Variants in NRXN3 observed in about 807,000 individuals in gnomAD.
NRXN3 encodes neurexin 3.
In NRXN3, 32 loss-of-function variants were observed where a neutral mutation model predicts 137.6. That is an observed-to-expected ratio of 0.23 (90% CI 0.18 to 0.31). The LOEUF (loss-of-function observed/expected upper bound fraction) is 0.31, where lower values mean the gene tolerates loss of function less well. NRXN3 is among the 10% of genes least tolerant of loss of function. The pLI is 1.00. For synonymous variants in NRXN3, 798 were observed against 784.5 expected, an observed-to-expected ratio of 1.02 and a Z score of -0.29; for missense variants, 1,574 against 2,062.5, an observed-to-expected ratio of 0.76 and a Z score of 4.59.
At chr14:78,182,572 C>T (rs556936967) in intron 1 of NRXN3, among the ~76,000 whole-genome samples, 4 of 152,164 alleles carry the variant, frequency 2.6e-5, no homozygotes, top group South Asian at 2.1e-4. Context: ...CGGGTTCAAG[C>T]GATTCTCCTG....
At chr14:78,254,677 C>CT (rs1161789701) in intron 2 of NRXN3, among the ~76,000 whole-genome samples, 1 of 88,604 alleles carries the variant, frequency 1.1e-5, no homozygotes, top group South Asian at 4.2e-4. Context: ...GACTCCATCT[C>CT]CAAAAAAAAA....
intron 4 of NRXN3, among the ~76,000 whole-genome samples, chr14:78,630,063 C>T (rs952201374): frequency 6.6e-6 from 1 of 152,098 alleles, no homozygotes; most frequent in African/African-American, 2.4e-5. Context: ...GTAGAATGAC[C>T]AGCCTTCCTG....
chr14:79,583,713 A>T (rs2097739385), intron 16 of NRXN3, among the ~76,000 whole-genome samples: 3 of 152,200 alleles, frequency 2.0e-5, no homozygotes, highest in Admixed American at 1.3e-4. Flanking sequence ...GGAGAAAGGC[A>T]GCCCCTCTTG....
At chr14:78,269,939 T>C (rs2153485867) in intron 2 of NRXN3, among the ~76,000 whole-genome samples, 1 of 152,300 alleles carries the variant, frequency 6.6e-6, no homozygotes, top group East Asian at 1.9e-4. Flanking sequence ...AGTAATGCAA[T>C]AATTGTGATT....
chr14:78,277,246 A>G (rs1022009670), intron 2 of NRXN3, among the ~76,000 whole-genome samples: 5 of 152,200 alleles, frequency 3.3e-5, no homozygotes, highest in Admixed American at 3.3e-4. Context: ...ATCGGTTGGC[A>G]TGAAGAACAT....
At position 78,715,149 on chromosome 14, in the gene NRXN3, C is replaced by T; in HGVS notation, c.2044+10C>T. On this transcript the variant is annotated intron_variant, in intron 8 of 20. Coordinates refer to ENST00000335750, the MANE Select transcript of NRXN3 (RefSeq NM_001330195.2). ...AGAACCTGCGAAAGGGGTGAGTCGG[C>T]CTAGAGGATGGCAAGTGAGGGCCTG... 6.3e-7 allele frequency: 1 copy of T among 1,598,820 alleles called. No individual in the cohort carries two copies.
chr14:78,792,752 CACAAA>C (rs1300360680), intron 8 of NRXN3, among the ~76,000 whole-genome samples: 2 of 152,132 alleles, frequency 1.3e-5, no homozygotes, highest in Admixed American at 1.3e-4. Context: ...AATCTCATTA[CACAAA>C]ACAATGTCTA....
chr14:78,804,876 T>C (rs2098851772), intron 9 of NRXN3, among the ~76,000 whole-genome samples: 1 of 152,194 alleles, frequency 6.6e-6, no homozygotes, highest in South Asian at 2.1e-4. Context: ...CTTTCTAAGC[T>C]AGTGAATGTA....
At chr14:79,429,339 A>C (rs2095708512) in intron 15 of NRXN3, among the ~76,000 whole-genome samples, 1 of 152,194 alleles carries the variant, frequency 6.6e-6, no homozygotes, top group Admixed American at 6.5e-5. Context: ...ACAAAGTGAC[A>C]TTGTGGAGTC....
chr14:78,958,593 G>T (rs1468668148), intron 11 of NRXN3, among the ~76,000 whole-genome samples: 1 of 152,142 alleles, frequency 6.6e-6, no homozygotes, highest in Non-Finnish European at 1.5e-5. Flanking sequence ...CTGACCTCCT[G>T]ATCCACCCGC....
intron 4 of NRXN3, among the ~76,000 whole-genome samples, chr14:78,516,366 G>GGGCTGGGCGCGGTGGCTCACGCCTGT (rs2096207406): frequency 6.8e-6 from 1 of 146,162 alleles, no homozygotes; most frequent in African/African-American, 2.5e-5. Context: ...AGAAAAGAAG[G>GGGCTGGGCGCGGTGGCTCACGCCTGT]AATTGGGGCT....
intron 15 of NRXN3, among the ~76,000 whole-genome samples, chr14:79,104,336 A>G (rs1375946901): frequency 2.0e-5 from 3 of 152,148 alleles, no homozygotes; most frequent in Non-Finnish European, 4.4e-5. Context: ...TTCATAGACG[A>G]ATGGATGAAT....
chr14:79,266,261 T>C (rs2153417494), intron 15 of NRXN3, among the ~76,000 whole-genome samples: 1 of 152,266 alleles, frequency 6.6e-6, no homozygotes, highest in East Asian at 1.9e-4. Context: ...ATACAGTCCT[T>C]TCTATATTAC....
intron 15 of NRXN3, among the ~76,000 whole-genome samples, chr14:79,232,061 AT>A (rs2072312018): frequency 6.6e-6 from 1 of 152,214 alleles, no homozygotes; most frequent in South Asian, 2.1e-4. Flanking sequence ...AACATAAAAA[AT>A]ATTTTATATT....
chr14:79,531,034 C>G (rs2097165417), intron 16 of NRXN3, among the ~76,000 whole-genome samples: 1 of 152,152 alleles, frequency 6.6e-6, no homozygotes, highest in Admixed American at 6.6e-5. Context: ...GTTGCAGTGT[C>G]CTCACATTTG....
At chr14:78,579,433 T>A (rs963688306) in intron 4 of NRXN3, among the ~76,000 whole-genome samples, 2 of 152,082 alleles carry the variant, frequency 1.3e-5, no homozygotes, top group African/African-American at 2.4e-5. Flanking sequence ...TTCCAAGCTG[T>A]GTCTGAATTC....
intron 15 of NRXN3, among the ~76,000 whole-genome samples, chr14:79,265,719 A>G (rs529948384): frequency 1.3e-5 from 2 of 152,208 alleles, no homozygotes; most frequent in East Asian, 3.9e-4. Flanking sequence ...AATTACATCT[A>G]TCAGGCACAA....
intron 10 of NRXN3, among the ~76,000 whole-genome samples, chr14:78,866,794 CTTT>C (rs1208179961): frequency 2.4e-4 from 29 of 119,082 alleles, no homozygotes; most frequent in African/African-American, 8.6e-4. Flanking sequence ...TTACCTTCAT[CTTT>C]TTTTTTTTTT....
chr14:79,470,105 G>A (rs1260117879), intron 16 of NRXN3, among the ~76,000 whole-genome samples: 1 of 152,066 alleles, frequency 6.6e-6, no homozygotes, highest in Non-Finnish European at 1.5e-5. Context: ...AAAGAGCTTT[G>A]GGGCCATTAA....
Sources: gnomAD v4.1 joint callset for allele counts (sites outside exome capture counted in the v4.1 genomes callset) on GRCh38, gnomAD v4.1.1 for gene constraint, MANE v1.5 for transcripts, NCBI Gene and HGNC (gene_info 2026-07-23, HGNC 2026-07-21) for gene names.